The following SOS2 variants were observed in gnomAD, a reference collection of about 807,000 sequenced individuals.
The protein encoded by SOS2 is SOS Ras/Rho guanine nucleotide exchange factor 2, also known as son of sevenless homolog 2.
A neutral mutation model predicts 148.2 loss-of-function variants in SOS2; 65 were observed. That is an observed-to-expected ratio of 0.44 (90% CI 0.36 to 0.54). SOS2 has a LOEUF of 0.54. Among genes scored for constraint, SOS2 ranks in the 20% least tolerant of loss-of-function variants. SOS2 has a pLI of 0.00. For synonymous variants in SOS2, 539 were observed against 537.1 expected (o/e 1.00, Z -0.05); for missense variants, 1,341 against 1,590.2 (o/e 0.84, Z 2.67).
chr14:50,195,712 G>A (rs140197841), intron 4 of SOS2, among the ~76,000 whole-genome samples: 322 of 152,224 alleles, frequency 2.1e-3, no homozygotes, highest in Non-Finnish European at 3.8e-3. Context: ...AGTGAGCCTG[G>A]GTGACAGAGG....
chr14:50,181,394 G>A lies in SOS2; in HGVS notation c.859-712C>T, dbSNP rs549778232. On this transcript the variant is annotated intron_variant, in intron 6 of 22. Transcript: ENST00000216373. ...ACCTGAGAGGCAGAGGTTGCAGTAA[G>A]ACGAGATCGTGCCATTGCACTCTAG... Among the ~76,000 whole-genome samples the A allele has an allele frequency of 2.4e-4, 37 of 151,304 alleles. No individual in the cohort carries two copies. In the South Asian group the frequency reaches 3.5e-3, roughly 14 times the overall value.
chr14:50,133,333 G>C (rs142511509), intron 19 of SOS2, among the ~76,000 whole-genome samples: 18 of 125,846 alleles, frequency 1.4e-4, no homozygotes, highest in Non-Finnish European at 2.0e-4. Context: ...TGCAACCTCC[G>C]CCCCCAGGCG....
At chr14:50,120,933 T>C (rs1883484970) in intron 21 of SOS2, among the ~76,000 whole-genome samples, 1 of 151,950 alleles carries the variant, frequency 6.6e-6, no homozygotes, top group Admixed American at 6.6e-5. Flanking sequence ...AGAGACAGGG[T>C]TTCACCATGT....
intron 2 of SOS2, among the ~76,000 whole-genome samples, chr14:50,203,272 G>A (rs1229693012): frequency 6.6e-6 from 1 of 152,088 alleles, no homozygotes; most frequent in East Asian, 1.9e-4. Context: ...GGAGGCTGAG[G>A]CAGGAGAATA....
chr14:50,186,463 A>G (rs971072658), intron 5 of SOS2, among the ~76,000 whole-genome samples: 10 of 152,180 alleles, frequency 6.6e-5, no homozygotes, highest in Admixed American at 5.2e-4. Context: ...ATTCAAGATT[A>G]AGCTCTATAA....
chr14:50,208,082 G>T (rs1255598156), intron 1 of SOS2, among the ~76,000 whole-genome samples: 1 of 151,990 alleles, frequency 6.6e-6, no homozygotes, highest in African/African-American at 2.4e-5. Context: ...GATCACTTGA[G>T]GTCAGGAGTT....
chr14:50,180,552 AAC>A lies in SOS2; in HGVS notation c.969+18_969+19del, dbSNP rs749353601. On this transcript the variant is annotated intron_variant, in intron 7 of 22. Coordinates refer to ENST00000216373, the MANE Select transcript of SOS2 (RefSeq NM_006939.4). ...CTTTATTAAAAAAAAAAAAAAAAAA[AAC>A]CTTCAATTTAAGTTTACCTGAAAGT... 10 of 1,085,146 alleles carry A rather than the reference AAC, an allele frequency of 9.2e-6. No homozygotes were observed. The highest frequency in any genetic ancestry group is 1.6e-5 in the African/African-American group (1 of 61,620). The allele number at this position is 1,085,146 out of a possible 1,614,324, so 67.2% of individuals were successfully genotyped here.
At chr14:50,182,288 T>TCAAGCAGTTC (rs111808923) in intron 6 of SOS2, among the ~76,000 whole-genome samples, 175 bp downstream of exon 6, 2 of 151,836 alleles carry the variant, frequency 1.3e-5, no homozygotes, top group African/African-American at 4.8e-5. Flanking sequence ...TCTCCCAGGC[T>TCAAGCAGTTC]TCCTACCTCA....
At chr14:50,216,310 T>A (rs1356543232) in intron 1 of SOS2, among the ~76,000 whole-genome samples, 4 of 151,944 alleles carry the variant, frequency 2.6e-5, no homozygotes, top group African/African-American at 9.7e-5. Context: ...TTGGCCAGGC[T>A]AGTCTTGAAC....
chr14:50,119,960 C>T (rs929808202), intron 22 of SOS2, among the ~76,000 whole-genome samples: 3 of 151,904 alleles, frequency 2.0e-5, no homozygotes, highest in South Asian at 2.1e-4. Context: ...CACAGGCACC[C>T]GCCACCACAC....
chr14:50,161,101 T>C (rs556079302), intron 9 of SOS2, among the ~76,000 whole-genome samples: 105 of 152,096 alleles, frequency 6.9e-4, no homozygotes, highest in African/African-American at 2.5e-3. Flanking sequence ...GAGACCAGTC[T>C]GGCCGACGCG....
At chr14:50,212,835 G>C (rs1037869321) in intron 1 of SOS2, among the ~76,000 whole-genome samples, 1 of 152,256 alleles carries the variant, frequency 6.6e-6, no homozygotes, top group South Asian at 2.1e-4. Context: ...AGGAGGAGCA[G>C]ATTATATATG....
intron 8 of SOS2, among the ~76,000 whole-genome samples, chr14:50,170,688 A>C (rs1382740376): frequency 6.6e-6 from 1 of 152,042 alleles, no homozygotes; most frequent in African/African-American, 2.4e-5. Flanking sequence ...CAACACAATA[A>C]AATAGATGAT....
intron 1 of SOS2, among the ~76,000 whole-genome samples, chr14:50,216,999 GA>G (rs1483304107): frequency 1.3e-5 from 2 of 152,100 alleles, no homozygotes; most frequent in African/African-American, 4.8e-5. Context: ...TAGAATAACT[GA>G]AACAACTCTA....
intron 4 of SOS2, among the ~76,000 whole-genome samples, chr14:50,191,869 T>G (rs529143492): frequency 2.6e-5 from 4 of 151,968 alleles, no homozygotes; most frequent in South Asian, 2.1e-4. Context: ...ATTCAAAAAT[T>G]TAAAAAACAA....
In SOS2 at chr14:50,188,617, G is replaced by A. The variant is rs767860335; in HGVS notation, c.594C>T (p.Asn198=). 1.2e-6 allele frequency: 2 copies of A among 1,609,946 alleles called. No homozygotes were observed. Among genetic ancestry groups the A allele is most frequent in the Non-Finnish European group, 1.7e-6 (2 of 1,177,308 alleles). The change falls in exon 5 of 23, where the codon AAC becomes AAT. Residue 198 remains asparagine, a synonymous_variant. Coordinates refer to ENST00000216373, the MANE Select transcript of SOS2 (RefSeq NM_006939.4). ...TTTCAGTTCTGACAAGATCATAGTA[G>A]TTTAATTCACCAGAAGAACTAGGTT... ...EDEPSSSGEL[N]YYDLVRTEIA...
intron 9 of SOS2, among the ~76,000 whole-genome samples, chr14:50,160,468 C>A (rs1339705028): frequency 2.7e-5 from 4 of 145,696 alleles, no homozygotes; most frequent in Non-Finnish European, 6.0e-5. Context: ...CTCACTGCAA[C>A]CTCCCCCTCC....
At position 50,133,242 on chromosome 14, in the gene SOS2, C is replaced by CTTTTTTTTTTTTTTTTTTTTTTTTTTTT. The variant is rs753590435; in HGVS notation, c.3075+880_3075+881insAAAAAAAAAAAAAAAAAAAAAAAAAAAA. On this transcript the variant is annotated intron_variant, in intron 19 of 22. Transcript: ENST00000216373. ...TTTCCATGAACTTTTTTTCTTTTTT[C>CTTTTTTTTTTTTTTTTTTTTTTTTTTTT]TTTTTTCTTTTTTTTTTTTTTTGAG... is the stretch of plus-strand genomic sequence containing the variant. Among the ~76,000 whole-genome samples, 2 of 78,816 alleles carry CTTTTTTTTTTTTTTTTTTTTTTTTTTTT rather than the reference C, an allele frequency of 2.5e-5. 1 individual carries two copies. Among genetic ancestry groups the CTTTTTTTTTTTTTTTTTTTTTTTTTTTT allele is most frequent in the Non-Finnish European group, 4.7e-5 (2 of 42,196 alleles). 51.7% of individuals were successfully genotyped at this position (78,816 alleles called of 152,430 possible).
chr14:50,200,914 TA>T (rs760103798), intron 3 of SOS2, 38 bp downstream of exon 3: 1 of 1,593,992 alleles, frequency 6.3e-7, no homozygotes, highest in East Asian at 2.2e-5. Context: ...TTACTTGTTA[TA>T]AAGAACACCC....
Sources: gnomAD v4.1 joint callset for allele counts (sites outside exome capture counted in the v4.1 genomes callset) on GRCh38, gnomAD v4.1.1 for gene constraint, MANE v1.5 for transcripts, NCBI Gene and HGNC (gene_info 2026-07-23, HGNC 2026-07-21) for gene names.